DOCK8: variants seen among roughly 807,000 people sequenced by gnomAD.
DOCK8 encodes dedicator of cytokinesis 8.
DOCK8 carries 141 observed loss-of-function variants against 245.6 expected under a neutral mutation model. The observed-to-expected ratio is 0.57, with a 90% CI of 0.50 to 0.66. The LOEUF (loss-of-function observed/expected upper bound fraction) is 0.66. Ranked by LOEUF, DOCK8 falls within the 30% of genes least tolerant of loss-of-function variation. The probability of loss-of-function intolerance (pLI) is 0.00; values close to 1 mark genes in which losing one functional copy is unlikely to be tolerated. For missense variants in DOCK8, 2,965 were observed against 2,603.4 expected, an observed-to-expected ratio of 1.14 and a Z score of -3.02; for synonymous variants, 1,168 against 970.2, an observed-to-expected ratio of 1.20 and a Z score of -3.79.
At chr9:347,474 C>A (rs2051951672) in intron 14 of DOCK8, among the ~76,000 whole-genome samples, 16 of 152,136 alleles carry the variant, frequency 1.1e-4, no homozygotes. Context: ...CCACTGCCCT[C>A]CAGCCTGGGC....
chr9:419,075 T>G (rs1029903324), intron 30 of DOCK8, among the ~76,000 whole-genome samples: 14 of 152,186 alleles, frequency 9.2e-5, no homozygotes, highest in African/African-American at 3.4e-4. Flanking sequence ...GGGATTCATC[T>G]CTGTTCATTG....
Position 400,917 on chromosome 9 carries a change from T to C in DOCK8, c.3234+1658T>C, listed in dbSNP as rs1403707612. Among the ~76,000 whole-genome samples the C allele has an allele frequency of 3.7e-3, 185 of 49,672 alleles. 1 individual carries two copies. Among genetic ancestry groups the C allele is most frequent in the South Asian group, 6.7e-3 (7 of 1,044 alleles). The allele number at this position is 49,672 out of a possible 152,430, so 32.6% of individuals were successfully genotyped here. A position where few individuals can be genotyped will look rare whatever the true frequency, so the allele number is the denominator to read the frequency against. On this transcript the variant is annotated intron_variant, in intron 26 of 47. Transcript: ENST00000432829. ...ACCTCCCCCACTACCAACAGCTCCT[T>C]CACCATCACCACAACATCCACCACC... is the stretch of plus-strand genomic sequence containing the variant.
At chr9:322,638 A>G (rs561763274) in intron 7 of DOCK8, among the ~76,000 whole-genome samples, 78 of 152,358 alleles carry the variant, frequency 5.1e-4, no homozygotes, top group Middle Eastern at 3.4e-3. Context: ...TCTTTAATAA[A>G]TGTCAATTCT....
chr9:381,125 A>AACAT (rs1337207632), intron 21 of DOCK8: 1 of 152,040 alleles, frequency 6.6e-6, no homozygotes, highest in Non-Finnish European at 1.5e-5. Flanking sequence ...CAAACAAACA[A>AACAT]ACACCCTAAA....
chr9:311,615 G>C (rs949506075), intron 5 of DOCK8, among the ~76,000 whole-genome samples: 1 of 152,048 alleles, frequency 6.6e-6, no homozygotes, highest in African/African-American at 2.4e-5. Flanking sequence ...CATGAGCATG[G>C]TTCATTAAGA....
intron 24 of DOCK8, 68 bp from the exon 25 acceptor site, chr9:396,717 C>G: frequency 6.3e-7 from 1 of 1,595,332 alleles, no homozygotes; most frequent in Admixed American, 1.7e-5. Context: ...GAGTCTTTCC[C>G]CCTTTTCTGC....
chr9:290,108 G>A (rs1280174036), intron 4 of DOCK8, among the ~76,000 whole-genome samples: 3 of 151,772 alleles, frequency 2.0e-5, no homozygotes, highest in Admixed American at 2.0e-4. Context: ...CTGTACCATT[G>A]TTTATTTATC....
chr9:434,998 C>A, intron 39 of DOCK8, 23 bp downstream of exon 39: 1 of 1,610,534 alleles, frequency 6.2e-7, no homozygotes, highest in South Asian at 1.1e-5. Flanking sequence ...CAGCTTTTCC[C>A]TTAGAGCAGT....
chr9:396,992 C>A, intron 25 of DOCK8, 58 bp downstream of exon 25: 5 of 1,524,512 alleles, frequency 3.3e-6, no homozygotes, highest in Non-Finnish European at 4.5e-6. Context: ...ATATTACTTT[C>A]ATAATCAGAG....
intron 25 of DOCK8, among the ~76,000 whole-genome samples, chr9:397,902 C>A (rs1324129420): frequency 6.6e-6 from 1 of 152,130 alleles, no homozygotes; most frequent in East Asian, 1.9e-4. Context: ...TTGTACTATT[C>A]TTGCACCTTT....
chr9:374,539 G>C lies in DOCK8; in HGVS notation c.2110-1671G>C, dbSNP rs540168500. Among the ~76,000 whole-genome samples, 4 of 130,298 alleles carry C rather than the reference G, an allele frequency of 3.1e-5. No individual in the cohort carries two copies. The East Asian group carries it at 9.6e-4, about 31-fold the overall frequency. The allele number at this position is 130,298 out of a possible 152,430, so 85.5% of individuals were successfully genotyped here. A position where few individuals can be genotyped will look rare whatever the true frequency, so the allele number is the denominator to read the frequency against. On this transcript the variant is annotated intron_variant, in intron 18 of 47. Coordinates refer to ENST00000432829, the MANE Select transcript of DOCK8 (RefSeq NM_203447.4). ...TGCAGTGGCGTGATCACAGCTCACT[G>C]TAATCTTGAACTCATAGGCTCAAGC... is the stretch of plus-strand genomic sequence containing the variant.
intron 33 of DOCK8, among the ~76,000 whole-genome samples, chr9:425,134 A>C (rs2056431986): frequency 6.6e-6 from 1 of 152,200 alleles, no homozygotes; most frequent in Admixed American, 6.5e-5. Flanking sequence ...TTACTTTTTT[A>C]ATGTGGTTAC....
At chr9:382,728 T>A in intron 22 of DOCK8, 43 bp downstream of exon 22, 1 of 1,606,972 alleles carries the variant, frequency 6.2e-7, no homozygotes, top group South Asian at 1.1e-5. Context: ...CAGGCTTTTT[T>A]ATTTTTTAAC....
chr9:250,386 A>T (rs568099883), intron 1 of DOCK8, among the ~76,000 whole-genome samples: 1 of 152,310 alleles, frequency 6.6e-6, no homozygotes, highest in African/African-American at 2.4e-5. Context: ...CCTTCAAGGA[A>T]TGAAACAATT....
chr9:289,565 C>G lies in DOCK8; in HGVS notation c.388C>G (p.Leu130Val). Residue 130 changes from leucine (L) to valine (V), a missense_variant, in exon 4 of 48, where the codon CTA becomes GTA. Coordinates refer to ENST00000432829, the MANE Select transcript of DOCK8 (RefSeq NM_203447.4). ...TGTTCAGACCTACATCCGTGAGTGG[C>G]TAATCGTGAACCGGAAGTAAGTTAC... is the stretch of plus-strand genomic sequence containing the variant. ...DCVQTYIREW[L>V]IVNRKNQGSP... 1 of 1,611,678 alleles carries G rather than the reference C, an allele frequency of 6.2e-7. No individual in the cohort carries two copies. Among genetic ancestry groups the G allele is most frequent in the Non-Finnish European group, 8.5e-7 (1 of 1,178,800 alleles).
At chr9:252,127 C>T (rs756964033) in intron 1 of DOCK8, among the ~76,000 whole-genome samples, 1 of 151,926 alleles carries the variant, frequency 6.6e-6, no homozygotes, top group East Asian at 1.9e-4. Context: ...GCATATGCCA[C>T]CATGCCCGGC....
intron 1 of DOCK8, among the ~76,000 whole-genome samples, chr9:270,784 G>A (rs1350041092): frequency 6.6e-6 from 1 of 152,142 alleles, no homozygotes; most frequent in Non-Finnish European, 1.5e-5. Context: ...TTCAGTAGTG[G>A]TATTGGTATT....
At chr9:344,815 A>T (rs1024018787) in intron 14 of DOCK8, among the ~76,000 whole-genome samples, 3 of 152,208 alleles carry the variant, frequency 2.0e-5, no homozygotes, top group African/African-American at 7.2e-5. Flanking sequence ...TCGGAGGCCA[A>T]GGCAGGTGAA....
In DOCK8 at chr9:372,661, G is replaced by C. The variant is rs1194468300; in HGVS notation, c.2109+375G>C. On this transcript the variant is annotated intron_variant, in intron 18 of 47. Coordinates refer to ENST00000432829, the MANE Select transcript of DOCK8 (RefSeq NM_203447.4). ...ATTCATCCGTTTCTTTCTTGGGTCA[G>C]TTGTCACAGCCCTCCGGTAGATACC... Among the ~76,000 whole-genome samples, 4 of 152,280 alleles carry C rather than the reference G, an allele frequency of 2.6e-5. No homozygotes were observed. The East Asian group carries it at 7.7e-4, about 29-fold the overall frequency.
Sources: allele counts gnomAD v4.1 joint callset (sites outside exome capture counted in the v4.1 genomes callset), GRCh38; gene constraint gnomAD v4.1.1; transcripts MANE v1.5; gene names NCBI Gene and HGNC (gene_info 2026-07-23, HGNC 2026-07-21).